Variants in MAPKBP1 observed in about 807,000 individuals in gnomAD.
MAPKBP1 encodes mitogen-activated protein kinase binding protein 1.
In MAPKBP1, 71 loss-of-function variants were observed where a neutral mutation model predicts 170.5. That is an observed-to-expected ratio of 0.42 (90% CI 0.34 to 0.51). The LOEUF is 0.51. MAPKBP1 is among the 20% of genes least tolerant of loss of function. The probability of loss-of-function intolerance (pLI) is 0.06; values close to 1 mark genes in which losing one functional copy is unlikely to be tolerated. For missense variants in MAPKBP1, 1,598 were observed against 1,933.0 expected, an observed-to-expected ratio of 0.83 and a Z score of 3.25; for synonymous variants, 719 against 757.9, an observed-to-expected ratio of 0.95 and a Z score of 0.84.
At chr15:41,815,014 C>T (rs2064866316) in intron 10 of MAPKBP1, among the ~76,000 whole-genome samples, 1 of 152,118 alleles carries the variant, frequency 6.6e-6, no homozygotes, top group East Asian at 1.9e-4. Flanking sequence ...ACTTGATTCA[C>T]CTAATTGTTC....
intron 2 of MAPKBP1, among the ~76,000 whole-genome samples, chr15:41,791,383 C>A (rs1290956822): frequency 6.6e-6 from 1 of 152,282 alleles, no homozygotes; most frequent in East Asian, 1.9e-4. Flanking sequence ...ACTCCCGTGC[C>A]ATTGCAGACT....
Position 41,821,542 on chromosome 15 carries a change from C to T in MAPKBP1, c.2719-42C>T, listed in dbSNP as rs200217460. ...TACCCCCCAGCTACCACTGCCTCAT[C>T]TGTCACCTCTGCTCTGTTAACATCC... On this transcript the variant is annotated intron_variant, in intron 23 of 30. Coordinates refer to ENST00000457542, the MANE Select transcript of MAPKBP1 (RefSeq NM_014994.3). 9.4e-6 allele frequency: 15 copies of T among 1,593,974 alleles called. No homozygotes were observed. In the Admixed American group the frequency reaches 1.5e-4, roughly 16 times the overall value.
At chr15:41,799,690 C>A in intron 2 of MAPKBP1, 133 bp from the exon 3 acceptor site, 1 of 661,770 alleles carries the variant, frequency 1.5e-6, no homozygotes, top group Non-Finnish European at 2.7e-6. Flanking sequence ...CTGCAGAAGT[C>A]ATAGCTCCAT....
chr15:41,817,650 G>A lies in MAPKBP1; in HGVS notation c.1819G>A (p.Val607Met). Residue 607 changes from valine to methionine, a missense_variant, in exon 16 of 31, where the codon GTG (valine) becomes ATG (methionine). Transcript: ENST00000457542. This position sits in a 1 kb window ranked among gnomAD's most constrained non-coding sequence, Gnocchi z 4.2. ...AGTGCAGTTCACACGGACACACCAC[G>A]TGGTGCGGAAGACGACCCTCTATGA... is the stretch of plus-strand genomic sequence containing the variant. Reference protein sequence around the residue: ...DGVQFTRTHHVVRKTTLYDMD... With the variant: ...DGVQFTRTHHMVRKTTLYDMD... 1.9e-6 allele frequency: 3 copies of A among 1,614,224 alleles called. No homozygotes were observed. Among genetic ancestry groups the A allele is most frequent in the South Asian group, 1.1e-5 (1 of 91,090 alleles).
chr15:41,818,101 G>T lies in MAPKBP1; in HGVS notation c.1980+17G>T, dbSNP rs775495030. On this transcript the variant is annotated intron_variant, in intron 17 of 30. Transcript: ENST00000457542. The surrounding 1 kb of genome is among the most constrained non-coding windows in gnomAD (Gnocchi z 5.2). ...CTCATTAAGGTAAGGACCCAGAGGG[G>T]GTACTGGACAGGGGCTCGGGGACAG... 6.2e-7 allele frequency: 1 copy of T among 1,613,700 alleles called. No individual in the cohort carries two copies. Among genetic ancestry groups the T allele is most frequent in the Non-Finnish European group, 8.5e-7 (1 of 1,179,740 alleles).
rs1232911924 is a variant in MAPKBP1 at position 41,819,301 on chromosome 15, A to C, written c.2347A>C (p.Lys783Gln). 1.2e-6 allele frequency: 2 copies of C among 1,614,006 alleles called. No individual in the cohort carries two copies. The highest frequency in any genetic ancestry group is 1.7e-6 in the Non-Finnish European group (2 of 1,180,014). ...ACCGGCTCTCTCATCAGACAGTGAC[A>C]AGGAGGGAGAAGATGAGGGGACTGA... ...PGPALSSDSD[K>Q]EGEDEGTEEE... The change falls in exon 21 of 31, where the codon AAG becomes CAG. Residue 783 changes from lysine (K) to glutamine (Q), a missense_variant. Lys to Gln is a moderately conservative substitution (Grantham distance 53). This residue lies in a region of MAPKBP1 where 942 missense variants were observed against 953.2 expected (regional missense o/e 0.99). Transcript: ENST00000457542.
At chr15:41,783,129 C>T (rs940538336) in intron 2 of MAPKBP1, among the ~76,000 whole-genome samples, 2 of 152,316 alleles carry the variant, frequency 1.3e-5, no homozygotes, top group East Asian at 1.9e-4. Context: ...GGCAGACCGA[C>T]GGATGCCTTG....
Position 41,812,146 on chromosome 15 carries a change from T to C in MAPKBP1, c.498+19T>C. On this transcript the variant is annotated intron_variant, in intron 6 of 30. Coordinates refer to ENST00000457542, the MANE Select transcript of MAPKBP1 (RefSeq NM_014994.3). ...CTGGAAGGTGAGTGGCTGGGTGGGGTGGCCTGGCAGCCTCACAGGGGTCAA... is the reference window on the plus strand; with the variant it reads ...CTGGAAGGTGAGTGGCTGGGTGGGGCGGCCTGGCAGCCTCACAGGGGTCAA... 6.2e-7 allele frequency: 1 copy of C among 1,612,708 alleles called. No individual in the cohort carries two copies. The highest frequency in any genetic ancestry group is 1.1e-5 in the South Asian group (1 of 90,994).
At chr15:41,799,317 G>A (rs939444046) in intron 2 of MAPKBP1, among the ~76,000 whole-genome samples, 1 of 152,070 alleles carries the variant, frequency 6.6e-6, no homozygotes, top group Non-Finnish European at 1.5e-5. Context: ...CTGACAGAGG[G>A]GAAGAACATG....
At chr15:41,810,543 CAA>C (rs11415317) in intron 3 of MAPKBP1, 45,076 of 152,532 alleles carry the variant, frequency 0.3, 4,691 homozygotes, top group Middle Eastern at 0.42. Context: ...CCCGTGTCTA[CAA>C]AAAAAAAAAA....
At chr15:41,799,304 C>T (rs1158676461) in intron 2 of MAPKBP1, among the ~76,000 whole-genome samples, 1 of 152,004 alleles carries the variant, frequency 6.6e-6, no homozygotes, top group African/African-American at 2.4e-5. Flanking sequence ...GAGGTGGAGC[C>T]CTCTGACAGA....
chr15:41,806,235 CAGT>C (rs2064689249), intron 3 of MAPKBP1, among the ~76,000 whole-genome samples: 1 of 152,186 alleles, frequency 6.6e-6, no homozygotes, highest in African/African-American at 2.4e-5. Flanking sequence ...GCTTTGGAAA[CAGT>C]AGAAGCGGTA....
chr15:41,774,826 C>G lies in MAPKBP1; in HGVS notation c.-110+216C>G, dbSNP rs537089360. On this transcript the variant is annotated intron_variant, in intron 1 of 30. Transcript: ENST00000457542. ...CGCAGGTGTCCAGGCCTGCGGAAAT[C>G]CCTGGTGGTCTCGGCGGCCTCCTCC... 1.0e-5 allele frequency: 4 copies of G among 401,848 alleles called. No homozygotes were observed. The East Asian group carries it at 1.4e-4, about 14-fold the overall frequency. 24.9% of individuals were successfully genotyped at this position (401,848 alleles called of 1,614,324 possible).
At chr15:41,798,949 A>G (rs1406824133) in intron 2 of MAPKBP1, among the ~76,000 whole-genome samples, 1 of 152,232 alleles carries the variant, frequency 6.6e-6, no homozygotes, top group African/African-American at 2.4e-5. Flanking sequence ...TGAAAGACCC[A>G]GAGCAGAGGA....
chr15:41,780,997 C>T (rs924565198), intron 2 of MAPKBP1, among the ~76,000 whole-genome samples: 2 of 151,850 alleles, frequency 1.3e-5, no homozygotes, highest in African/African-American at 4.8e-5. Context: ...TGGATAGCTC[C>T]TCCTAGATTT....
intron 3 of MAPKBP1, among the ~76,000 whole-genome samples, chr15:41,806,490 G>A (rs1460642476): frequency 6.6e-6 from 1 of 152,196 alleles, no homozygotes; most frequent in African/African-American, 2.4e-5. Context: ...TGGATCCTAT[G>A]GGAATCCTGG....
At chr15:41,787,221 A>T (rs960482189) in intron 2 of MAPKBP1, among the ~76,000 whole-genome samples, 2 of 152,180 alleles carry the variant, frequency 1.3e-5, no homozygotes, top group African/African-American at 4.8e-5. Context: ...TGCTTTCTGA[A>T]AAGATTTGTT....
At position 41,812,033 on chromosome 15, in the gene MAPKBP1, A is replaced by G; in HGVS notation, c.404A>G (p.Tyr135Cys). 3.7e-6 allele frequency: 6 copies of G among 1,614,002 alleles called. No individual in the cohort carries two copies. Among genetic ancestry groups the G allele is most frequent in the Non-Finnish European group, 5.1e-6 (6 of 1,179,996 alleles). ...GTGGCCGAGCTGCAGGAGCACAAGTATGGTGTGGCTTGTGTGGCCTTCTCT... is the reference window on the plus strand; with the variant it reads ...GTGGCCGAGCTGCAGGAGCACAAGTGTGGTGTGGCTTGTGTGGCCTTCTCT... ...SQVAELQEHK[Y>C]GVACVAFSPS... Residue 135 changes from tyrosine to cysteine, a missense_variant, in exon 6 of 31, where the codon TAT becomes TGT. Coordinates refer to ENST00000457542, the MANE Select transcript of MAPKBP1 (RefSeq NM_014994.3).
At chr15:41,786,001 G>A (rs2064280206) in intron 2 of MAPKBP1, among the ~76,000 whole-genome samples, 1 of 152,056 alleles carries the variant, frequency 6.6e-6, no homozygotes, top group Admixed American at 6.6e-5. Flanking sequence ...TATGAGTAGG[G>A]GATTGGTGTA....
Sources: gnomAD v4.1 joint callset for allele counts (sites outside exome capture counted in the v4.1 genomes callset) on GRCh38, gnomAD v4.1.1 for gene constraint, gnomAD v4.1.1 regional missense constraint, Gnocchi (gnomAD v3.1) non-coding constraint, MANE v1.5 for transcripts, NCBI Gene and HGNC (gene_info 2026-07-23, HGNC 2026-07-21) for gene names.